Variants in PREP observed in about 807,000 individuals in gnomAD.
PREP encodes the protein prolyl endopeptidase.
PREP carries 29 observed loss-of-function variants against 87.6 expected under a neutral mutation model. The observed-to-expected ratio is 0.33, with a 90% CI of 0.25 to 0.45. PREP has a LOEUF of 0.45. PREP is among the 20% of genes least tolerant of loss of function. The probability of loss-of-function intolerance (pLI) is 1.00; values close to 1 mark genes in which losing one functional copy is unlikely to be tolerated. For missense variants in PREP, 695 were observed against 886.5 expected (o/e 0.78, Z 2.74); for synonymous variants, 337 against 328.6 (o/e 1.03, Z -0.28).
chr6:105,328,761 T>C (rs1771239290), intron 9 of PREP, 68 bp downstream of exon 9: 1 of 1,523,732 alleles, frequency 6.6e-7, no homozygotes, highest in African/African-American at 1.4e-5. Flanking sequence ...TATACTTCCA[T>C]TTCCCCAAAG....
chr6:105,324,701 T>C (rs1261257766), intron 9 of PREP, among the ~76,000 whole-genome samples: 1 of 152,208 alleles, frequency 6.6e-6, no homozygotes, highest in African/African-American at 2.4e-5. Context: ...ACAGAGCACA[T>C]TTAAATGGAA....
intron 6 of PREP, among the ~76,000 whole-genome samples, chr6:105,367,963 CT>C (rs1435795899): frequency 6.6e-6 from 1 of 152,118 alleles, no homozygotes; most frequent in African/African-American, 2.4e-5. Context: ...TTACTAACCC[CT>C]GGTCTAGAAA....
rs1771078957 is a variant in PREP at position 105,323,779 on chromosome 6, G to A, written c.1214-11C>T. ...AGTGATAAATGATACCTAAAAAGTA[G>A]AATAAGGCTTGGTTTAGTCTACGGG... On this transcript the variant is annotated splice_polypyrimidine_tract_variant and intron_variant, in intron 9 of 14. Coordinates refer to ENST00000652536, the MANE Select transcript of PREP (RefSeq NM_002726.5). 1 of 1,601,060 alleles carries A rather than the reference G, an allele frequency of 6.2e-7. No individual in the cohort carries two copies. Among genetic ancestry groups the A allele is most frequent in the Non-Finnish European group, 8.6e-7 (1 of 1,168,358 alleles).
chr6:105,354,699 C>T (rs1772045627), intron 6 of PREP, among the ~76,000 whole-genome samples: 1 of 152,140 alleles, frequency 6.6e-6, no homozygotes, highest in African/African-American at 2.4e-5. Flanking sequence ...AACTAGAACT[C>T]TTCCTTGAGT....
chr6:105,303,257 G>A (rs1770583151), intron 10 of PREP, among the ~76,000 whole-genome samples: 1 of 152,040 alleles, frequency 6.6e-6, no homozygotes. Flanking sequence ...AGAGACATGG[G>A]TCTCATTACG....
At chr6:105,285,415 A>G in intron 12 of PREP, 71 bp downstream of exon 12, 3 of 1,487,636 alleles carry the variant, frequency 2.0e-6, no homozygotes, top group Non-Finnish European at 2.8e-6. Context: ...AGCTCATTCA[A>G]ACAGGAAGGA....
rs1040199402 is a variant in PREP at position 105,385,136 on chromosome 6, T to C, written c.121-7617A>G. Among the ~76,000 whole-genome samples the C allele has an allele frequency of 8.5e-5, 13 of 152,092 alleles. No homozygotes were observed. In the East Asian group the frequency reaches 2.5e-3, roughly 29 times the overall value. ...TGCTCCAGGGCTGGCTGGGGATGAC[T>C]GAGCAAGTTCTCTACAATAAAGGTG... On this transcript the variant is annotated intron_variant, in intron 2 of 14. Coordinates refer to ENST00000652536, the MANE Select transcript of PREP (RefSeq NM_002726.5).
At chr6:105,303,437 C>T (rs1042363708) in intron 10 of PREP, among the ~76,000 whole-genome samples, 2 of 152,204 alleles carry the variant, frequency 1.3e-5, no homozygotes, top group African/African-American at 4.8e-5. Flanking sequence ...CTTCAACCAG[C>T]CTCTCTAGTG....
At chr6:105,282,409 A>G (rs755277657) in intron 13 of PREP, 42 bp downstream of exon 13, 4 of 1,589,994 alleles carry the variant, frequency 2.5e-6, no homozygotes, top group African/African-American at 1.3e-5. Context: ...AAACCCCAAG[A>G]GGGCTAACTA....
chr6:105,354,388 T>A (rs747960961), intron 6 of PREP, among the ~76,000 whole-genome samples: 2 of 152,202 alleles, frequency 1.3e-5, no homozygotes, highest in African/African-American at 2.4e-5. Context: ...TGTACCAACT[T>A]ACACTCTTAC....
intron 14 of PREP, chr6:105,280,512 T>C (rs1469929019): frequency 6.6e-6 from 1 of 152,192 alleles, no homozygotes; most frequent in African/African-American, 2.4e-5. Flanking sequence ...CAATGGAAGT[T>C]GTGTAAGATT....
At chr6:105,390,204 G>A (rs562679808) in intron 2 of PREP, among the ~76,000 whole-genome samples, 64 of 152,300 alleles carry the variant, frequency 4.2e-4, no homozygotes, top group Non-Finnish European at 8.2e-4. Context: ...ATCAGCAGGT[G>A]TAACGGGGTC....
chr6:105,325,204 A>G (rs1771121741), intron 9 of PREP, among the ~76,000 whole-genome samples: 1 of 152,142 alleles, frequency 6.6e-6, no homozygotes, highest in Non-Finnish European at 1.5e-5. Context: ...TCCTTGAAAA[A>G]AAGTATAAAT....
At position 105,276,675 on chromosome 6, in the gene PREP, C is replaced by T. The variant is rs760628480; in HGVS notation, c.*1469G>A. Among the ~76,000 whole-genome samples, 12 of 152,188 alleles carry T rather than the reference C, an allele frequency of 7.9e-5. No individual in the cohort carries two copies. Among genetic ancestry groups the T allele is most frequent in the Admixed American group, 2.0e-4 (3 of 15,280 alleles). On this transcript the variant is annotated 3_prime_UTR_variant, in exon 15 of 15. Transcript: ENST00000652536. ...TGGTGAATCTTATACTCAATGACAACTGTATTATGTACCGTACTAAATAGT... is the reference window on the plus strand; with the variant it reads ...TGGTGAATCTTATACTCAATGACAATTGTATTATGTACCGTACTAAATAGT...
At chr6:105,296,097 C>T (rs1583040438) in intron 10 of PREP, among the ~76,000 whole-genome samples, 1 of 152,170 alleles carries the variant, frequency 6.6e-6, no homozygotes, top group African/African-American at 2.4e-5. Flanking sequence ...AACTTAGGTG[C>T]CCAGTGACAA....
chr6:105,365,054 C>T (rs1228613418), intron 6 of PREP, among the ~76,000 whole-genome samples: 1 of 152,156 alleles, frequency 6.6e-6, no homozygotes, highest in Non-Finnish European at 1.5e-5. Flanking sequence ...TGAGACCACC[C>T]TGGCCAACAT....
At chr6:105,380,478 G>A (rs1335999880) in intron 2 of PREP, among the ~76,000 whole-genome samples, 5 of 152,206 alleles carry the variant, frequency 3.3e-5, no homozygotes, top group Non-Finnish European at 7.3e-5. Context: ...TTTGGACAGA[G>A]AACAGACTAT....
At chr6:105,325,332 C>A (rs935294397) in intron 9 of PREP, among the ~76,000 whole-genome samples, 1 of 152,142 alleles carries the variant, frequency 6.6e-6, no homozygotes, top group East Asian at 1.9e-4. Context: ...GCCTAGGGAG[C>A]CAAAATTCCC....
chr6:105,278,191 T>C lies in PREP; in HGVS notation c.2086A>G (p.Met696Val). Residue 696 changes from methionine (M) to valine (V), a missense_variant, in exon 15 of 15, where the codon ATG becomes GTG. By Grantham distance (21) the Met-to-Val change is conservative. This residue lies in a region of PREP where 121 missense variants were observed against 154.8 expected (regional missense o/e 0.78). Coordinates refer to ENST00000652536, the MANE Select transcript of PREP (RefSeq NM_002726.5). This position sits in a 1 kb window ranked among gnomAD's most constrained non-coding sequence, Gnocchi z 4.2. ...TAKVIEEVSD[M>V]FAFIARCLNV... ...AGGCACCGCGCGATGAACGCAAACA[T>C]GTCTGAGACTTCCTCTATCACTTTG... 1 of 1,614,174 alleles carries C rather than the reference T, an allele frequency of 6.2e-7. No individual in the cohort carries two copies. The highest frequency in any genetic ancestry group is 8.5e-7 in the Non-Finnish European group (1 of 1,180,004).
Sources: gnomAD v4.1 joint callset for allele counts (sites outside exome capture counted in the v4.1 genomes callset) on GRCh38, gnomAD v4.1.1 for gene constraint, gnomAD v4.1.1 regional missense constraint, Gnocchi (gnomAD v3.1) non-coding constraint, MANE v1.5 for transcripts, NCBI Gene and HGNC (gene_info 2026-07-23, HGNC 2026-07-21) for gene names.